SLC18A1: variants seen among roughly 807,000 people sequenced by gnomAD.
SLC18A1 encodes the protein chromaffin granule amine transporter.
SLC18A1 carries 69 observed loss-of-function variants against 53.7 expected under a neutral mutation model. The observed-to-expected ratio is 1.28, with a 90% confidence interval of 1.06 to 1.57. SLC18A1 has a LOEUF of 1.57. Ranked by LOEUF, SLC18A1 falls within the 40% of genes most tolerant of loss-of-function variation. The pLI is 0.00. For synonymous variants in SLC18A1, 320 were observed against 248.1 expected, an observed-to-expected ratio of 1.29 and a Z score of -2.72; for missense variants, 932 against 668.1, an observed-to-expected ratio of 1.40 and a Z score of -4.35.
chr8:20,164,833 T>A, intron 10 of SLC18A1, 36 bp downstream of exon 10: 1 of 1,525,228 alleles, frequency 6.6e-7, no homozygotes, highest in Non-Finnish European at 9.0e-7. Context: ...CACCTCCTCC[T>A]GCCAGGCCCT....
intron 6 of SLC18A1, 48 bp from the exon 7 acceptor site, chr8:20,171,542 T>C (rs778992823): frequency 4.0e-5 from 58 of 1,432,304 alleles, no homozygotes; most frequent in Non-Finnish European, 5.5e-5. Context: ...GGTGAGTCCT[T>C]TGCAGTGAGA....
chr8:20,151,150 TTTTTTTTG>T lies in SLC18A1; in HGVS notation c.1016-414_1016-407del, dbSNP rs1283260573. Among the ~76,000 whole-genome samples the T allele has an allele frequency of 4.3e-5, 5 of 116,440 alleles. No individual in the cohort carries two copies. In the East Asian group the frequency reaches 9.1e-4, roughly 21 times the overall value. 76.4% of individuals were successfully genotyped at this position (116,440 alleles called of 152,430 possible). A position where few individuals can be genotyped will look rare whatever the true frequency, so the allele number is the denominator to read the frequency against. ...CCACACCTAGTTGTTTTTTTTTGTT[TTTTTTTTG>T]TTTGTTTGTTTGTTTGTTTGTTTTG... On this transcript the variant is annotated intron_variant, in intron 10 of 15. Coordinates refer to ENST00000276373, the MANE Select transcript of SLC18A1 (RefSeq NM_003053.4).
At chr8:20,180,243 T>C (rs1228523318) in intron 2 of SLC18A1, among the ~76,000 whole-genome samples, 1 of 152,122 alleles carries the variant, frequency 6.6e-6, no homozygotes, top group African/African-American at 2.4e-5. Flanking sequence ...GAGAAGTGAT[T>C]GTATTGGATT....
rs764676467 is a variant in SLC18A1 at position 20,171,198 on chromosome 8, G to A, written c.815-52C>T. 10 of 1,585,572 alleles carry A rather than the reference G, an allele frequency of 6.3e-6. No individual in the cohort carries two copies. The African/African-American group carries it at 9.4e-5, about 15-fold the overall frequency. On this transcript the variant is annotated intron_variant, in intron 7 of 15. Transcript: ENST00000276373. ...TCAGCGTGTCTACTGATTAGCTGGG[G>A]GCTCCAATAACAGCTGTAGTGCTAC... is the stretch of plus-strand genomic sequence containing the variant.
chr8:20,154,973 T>G (rs2071647078), intron 10 of SLC18A1, among the ~76,000 whole-genome samples: 1 of 152,172 alleles, frequency 6.6e-6, no homozygotes, highest in South Asian at 2.1e-4. Context: ...CTTGCCATTG[T>G]TCCTGCACAC....
chr8:20,178,121 A>AACAC (rs10560327), intron 4 of SLC18A1, among the ~76,000 whole-genome samples: 6,787 of 148,620 alleles, frequency 0.046, 263 homozygotes, highest in African/African-American at 0.11. Context: ...TGATGCATAT[A>AACAC]ACACACACAC....
chr8:20,163,723 C>A (rs1483890835), intron 10 of SLC18A1, among the ~76,000 whole-genome samples: 12 of 152,170 alleles, frequency 7.9e-5, no homozygotes, highest in Admixed American at 7.9e-4. Context: ...TTTTAACAAG[C>A]TCTCTAGGTG....
At chr8:20,182,991 A>G (rs574520747) in intron 1 of SLC18A1, 72 bp downstream of exon 1, 11 of 152,370 alleles carry the variant, frequency 7.2e-5, no homozygotes, top group African/African-American at 2.4e-4. Context: ...TTTACTTAAC[A>G]GTCAAAATCC....
rs1266015118 is a variant in SLC18A1 at position 20,148,165 on chromosome 8, G to T, written c.1147-95C>A. On this transcript the variant is annotated intron_variant, in intron 12 of 15. Transcript: ENST00000276373. ...TTCACATGAAATGCATTTATTCAGAGTGCACTATTGGCCACATACATCATC... is the reference window on the plus strand; with the variant it reads ...TTCACATGAAATGCATTTATTCAGATTGCACTATTGGCCACATACATCATC... The T allele has an allele frequency of 1.4e-5, 15 of 1,079,472 alleles. No homozygotes were observed. The African/African-American group carries it at 1.7e-4, about 12-fold the overall frequency. The allele number at this position is 1,079,472 out of a possible 1,614,324, so 66.9% of individuals were successfully genotyped here.
At chr8:20,158,770 C>G (rs980087146) in intron 10 of SLC18A1, among the ~76,000 whole-genome samples, 1 of 152,174 alleles carries the variant, frequency 6.6e-6, no homozygotes, top group Non-Finnish European at 1.5e-5. Context: ...AACCCTTATA[C>G]TCTGCTTTCC....
chr8:20,152,730 G>C (rs1265516013), intron 10 of SLC18A1, among the ~76,000 whole-genome samples: 4 of 152,156 alleles, frequency 2.6e-5, no homozygotes, highest in Non-Finnish European at 4.4e-5. Context: ...AAAGAATAGA[G>C]ATCCAAGGAC....
At chr8:20,162,096 C>A (rs2071845113) in intron 10 of SLC18A1, among the ~76,000 whole-genome samples, 1 of 152,204 alleles carries the variant, frequency 6.6e-6, no homozygotes, top group Non-Finnish European at 1.5e-5. Context: ...CATCTGGGCC[C>A]ACTTGAGCCA....
intron 10 of SLC18A1, among the ~76,000 whole-genome samples, chr8:20,164,612 C>T (rs954542679): frequency 2.0e-5 from 3 of 152,170 alleles, no homozygotes; most frequent in Non-Finnish European, 4.4e-5. Flanking sequence ...AATCTTTGGA[C>T]TGGAAATCAT....
intron 8 of SLC18A1, among the ~76,000 whole-genome samples, chr8:20,168,126 G>A (rs1386881624): frequency 1.3e-5 from 2 of 152,094 alleles, no homozygotes; most frequent in Non-Finnish European, 2.9e-5. Context: ...TCAAATCTAG[G>A]ACAATTTGAG....
At chr8:20,172,026 T>C (rs1192472777) in intron 6 of SLC18A1, among the ~76,000 whole-genome samples, 1 of 152,218 alleles carries the variant, frequency 6.6e-6, no homozygotes, top group African/African-American at 2.4e-5. Context: ...AGATGAGTCA[T>C]GTACTTGGCC....
chr8:20,147,380 C>T lies in SLC18A1; in HGVS notation c.1342G>A (p.Gly448Ser), dbSNP rs772230298. Residue 448 changes from glycine to serine, a missense_variant, in exon 15 of 16, where the codon GGT becomes AGT. Coordinates refer to ENST00000276373, the MANE Select transcript of SLC18A1 (RefSeq NM_003053.4). ...CMGFAIGPST[G>S]GAIVKAIGFP... Reference sequence around the variant, plus strand: ...CCGATGGCCTTTACAATGGCACCACCGGTGGATGGACCTGGGAGGGATACA... The same window carrying T: ...CCGATGGCCTTTACAATGGCACCACTGGTGGATGGACCTGGGAGGGATACA... 8 of 1,609,474 alleles carry T rather than the reference C, an allele frequency of 5.0e-6. No homozygotes were observed. The highest frequency in any genetic ancestry group is 4.5e-5 in the East Asian group (2 of 44,874).
intron 4 of SLC18A1, among the ~76,000 whole-genome samples, chr8:20,176,651 T>C (rs60335601): frequency 0.01 from 1,526 of 152,258 alleles, 29 homozygotes; most frequent in African/African-American, 0.035. Flanking sequence ...CAACAATCTC[T>C]TTTAAGTATT....
At chr8:20,159,084 T>C (rs2071750912) in intron 10 of SLC18A1, among the ~76,000 whole-genome samples, 1 of 152,100 alleles carries the variant, frequency 6.6e-6, no homozygotes, top group Admixed American at 6.5e-5. Context: ...AAATGGTTCT[T>C]CAAATGGAGC....
At chr8:20,145,919 CA>C (rs749194432) in intron 15 of SLC18A1, 43 bp from the exon 16 acceptor site, 8 of 1,127,266 alleles carry the variant, frequency 7.1e-6, no homozygotes, top group South Asian at 1.5e-5. Flanking sequence ...ACATTATTAT[CA>C]TTTTTTTTTT....
Sources: allele counts gnomAD v4.1 joint callset (sites outside exome capture counted in the v4.1 genomes callset), GRCh38; gene constraint gnomAD v4.1.1; transcripts MANE v1.5; gene names NCBI Gene and HGNC (gene_info 2026-07-23, HGNC 2026-07-21).